ARHGAP4: variants seen among roughly 807,000 people sequenced by gnomAD.
ARHGAP4 encodes Rho GTPase activating protein 4.
In ARHGAP4, 25 loss-of-function variants were observed where a neutral mutation model predicts 67.6. The ratio of observed to expected loss-of-function variants is 0.37; its 90% CI spans 0.27 to 0.52. ARHGAP4 has a LOEUF of 0.52. ARHGAP4 is among the 20% of genes least tolerant of loss of function. The pLI is 0.92. For synonymous variants in ARHGAP4, 448 were observed against 373.7 expected (o/e 1.20, Z -2.29); for missense variants, 804 against 854.6 (o/e 0.94, Z 0.74).
rs1557103568 is a variant in ARHGAP4, at chrX:153,912,821, G to A, written c.1440-19C>T. 2 of 1,176,245 alleles carry A rather than the reference G, an allele frequency of 1.7e-6. No homozygotes were observed. The highest frequency in any genetic ancestry group is 1.8e-5 in the South Asian group (1 of 54,323). ...CTGGGTCCTGCAGTGAATGGGAGCTGGCTCTGAGGGGGCCAGGTGTGGAGA... is the reference window on the plus strand; with the variant it reads ...CTGGGTCCTGCAGTGAATGGGAGCTAGCTCTGAGGGGGCCAGGTGTGGAGA... On this transcript the variant is annotated intron_variant, in intron 11 of 21. Coordinates refer to ENST00000350060, the MANE Select transcript of ARHGAP4 (RefSeq NM_001666.5).
intron 17 of ARHGAP4, 31 bp from the exon 18 acceptor site, chrX:153,910,116 G>C: frequency 1.7e-6 from 2 of 1,210,546 alleles, no homozygotes; most frequent in Non-Finnish European, 1.1e-6. Context: ...AGGCAGATGA[G>C]GGGGGCTCTT....
At position 153,911,008 on chromosome X, in the gene ARHGAP4, G is replaced by A; in HGVS notation, c.1604-9C>T. 1 of 1,168,329 alleles carries A rather than the reference G, an allele frequency of 8.6e-7. No individual in the cohort carries two copies. The highest frequency in any genetic ancestry group is 1.1e-6 in the Non-Finnish European group (1 of 873,405). ...GCCTTCATGCTGCAGGCCTGTGGGA[G>A]GACAAGGAGCTGGTGGGCACTGAGC... On this transcript the variant is annotated splice_polypyrimidine_tract_variant and intron_variant, in intron 13 of 21. Coordinates refer to ENST00000350060, the MANE Select transcript of ARHGAP4 (RefSeq NM_001666.5).
intron 12 of ARHGAP4, among the ~76,000 whole-genome samples, chrX:153,912,250 G>A (rs1557103441): frequency 9.1e-6 from 1 of 110,171 alleles, no homozygotes. Context: ...TCGAACACCT[G>A]GGCTGAAGGG....
chrX:153,918,749 C>A, intron 7 of ARHGAP4, 83 bp downstream of exon 7: 1 of 1,017,678 alleles, frequency 9.8e-7, no homozygotes, highest in Admixed American at 2.5e-5. Flanking sequence ...GATTCCTGAG[C>A]AAAGTGTGGG....
chrX:153,921,864 A>C, intron 1 of ARHGAP4, 55 bp from the exon 2 acceptor site: 1 of 1,126,806 alleles, frequency 8.9e-7, no homozygotes, highest in Non-Finnish European at 1.2e-6. Context: ...TGGGTCAGCC[A>C]GGCCAGCGTG....
chrX:153,910,157 C>T lies in ARHGAP4; in HGVS notation c.2156+14G>A. ...GTGGACCCCCCAGTCCCCTCGGCAG[C>T]ACCAAGGGTGTACCCCAGGCAGCTG... On this transcript the variant is annotated intron_variant, in intron 17 of 21. Coordinates refer to ENST00000350060, the MANE Select transcript of ARHGAP4 (RefSeq NM_001666.5). 1 of 1,210,762 alleles carries T rather than the reference C, an allele frequency of 8.3e-7. No homozygotes were observed. Among genetic ancestry groups the T allele is most frequent in the Non-Finnish European group, 1.1e-6 (1 of 894,856 alleles).
In ARHGAP4 at chrX:153,921,431, C is replaced by G. The variant is rs782383197; in HGVS notation, c.369G>C (p.Val123=). ...GGCGCTGGGCCAGGGGCCCGGCCAG[C>G]ACCTCACTCAGGGCCGCGCTCTCCC... ...QSRESAALSE[V]LAGPLAQRLS... The change falls in exon 3 of 22, where the codon GTG becomes GTC. Residue 123 remains valine, a synonymous_variant. Coordinates refer to ENST00000350060, the MANE Select transcript of ARHGAP4 (RefSeq NM_001666.5). 1 of 1,209,872 alleles carries G rather than the reference C, an allele frequency of 8.3e-7. No individual in the cohort carries two copies. Among genetic ancestry groups the G allele is most frequent in the Non-Finnish European group, 1.1e-6 (1 of 894,951 alleles).
rs782152888 is a variant in ARHGAP4, at chrX:153,921,200, CG to C, written c.436-42del. The C allele has an allele frequency of 2.0e-4, 235 of 1,182,088 alleles. 1 individual carries two copies. Among genetic ancestry groups the C allele is most frequent in the Admixed American group, 3.0e-4 (13 of 43,266 alleles). ...AGGGTGAGCACGGCACTGCCCAGAGCGGCCCCGCCAGGCACTGGAAGCTCTG... is the reference window on the plus strand; with the variant it reads ...AGGGTGAGCACGGCACTGCCCAGAGCGCCCCGCCAGGCACTGGAAGCTCTG... On this transcript the variant is annotated intron_variant, in intron 3 of 21. Transcript: ENST00000350060.
intron 7 of ARHGAP4, among the ~76,000 whole-genome samples, chrX:153,915,197 AGAC>A (rs1249779853): frequency 5.9e-4 from 49 of 83,382 alleles, no homozygotes; most frequent in South Asian, 4.4e-3. Context: ...AACTCTGTAG[AGAC>A]GGACAGTGGA....
At chrX:153,908,470 G>T (rs1439807991) in intron 21 of ARHGAP4, among the ~76,000 whole-genome samples, 1 of 112,116 alleles carries the variant, frequency 8.9e-6, no homozygotes, top group Non-Finnish European at 1.9e-5. Context: ...GGGCTTCCAC[G>T]TTCAGCCCGA....
intron 7 of ARHGAP4, among the ~76,000 whole-genome samples, chrX:153,915,318 C>T (rs1193461022): frequency 6.2e-5 from 7 of 112,210 alleles, no homozygotes; most frequent in Non-Finnish European, 1.3e-4. Flanking sequence ...GATGGCTGCA[C>T]AGCACCGTGA....
intron 13 of ARHGAP4, 26 bp from the exon 14 acceptor site, chrX:153,911,025 G>A: frequency 8.6e-7 from 1 of 1,165,816 alleles, no homozygotes; most frequent in Non-Finnish European, 1.1e-6. Flanking sequence ...GAGCTGGTGG[G>A]CACTGAGCAT....
At chrX:153,915,102 A>T (rs945993852) in intron 7 of ARHGAP4, among the ~76,000 whole-genome samples, 6 of 111,685 alleles carry the variant, frequency 5.4e-5, no homozygotes, top group African/African-American at 2.0e-4. Context: ...CCTTGAGGAC[A>T]TGGGACTCAG....
intron 7 of ARHGAP4, among the ~76,000 whole-genome samples, chrX:153,914,528 T>C (rs2065042122): frequency 9.0e-6 from 1 of 111,399 alleles, no homozygotes; most frequent in Non-Finnish European, 1.9e-5. Flanking sequence ...AAACCCTGTC[T>C]CCGCTAAAAA....
chrX:153,913,976 T>C, intron 7 of ARHGAP4, 97 bp from the exon 8 acceptor site: 1 of 786,864 alleles, frequency 1.3e-6, no homozygotes, highest in Admixed American at 2.7e-5. Context: ...TTTTGTGGCC[T>C]GGCGGCCGGG....
intron 7 of ARHGAP4, chrX:153,914,305 G>C (rs1603285745): frequency 1.2e-5 from 2 of 160,106 alleles, no homozygotes; most frequent in East Asian, 3.3e-4. Flanking sequence ...AAAATGTTCT[G>C]GAATTACATG....
chrX:153,917,724 C>A (rs1377667384), intron 7 of ARHGAP4, among the ~76,000 whole-genome samples: 3 of 112,241 alleles, frequency 2.7e-5, no homozygotes, highest in African/African-American at 9.7e-5. Flanking sequence ...GCACTCCAGC[C>A]GAGGGGACAG....
At chrX:153,913,359 G>A (rs371219323) in intron 9 of ARHGAP4, 50 bp downstream of exon 9, 15 of 1,205,263 alleles carry the variant, frequency 1.2e-5, no homozygotes, top group Non-Finnish European at 1.7e-5. Flanking sequence ...CCCTCCCTCT[G>A]CCCCAGCAAT....
At position 153,911,170 on chromosome X, in the gene ARHGAP4, G is replaced by A; in HGVS notation, c.1562C>T (p.Pro521Leu). The A allele has an allele frequency of 8.5e-7, 1 of 1,169,740 alleles. No homozygotes were observed. The highest frequency in any genetic ancestry group is 1.1e-6 in the Non-Finnish European group (1 of 873,518). ...KFIQSSGQPVPLVVESCIRFI... is the reference protein window; with the variant it reads ...KFIQSSGQPVLLVVESCIRFI... Reference sequence around the variant, plus strand: ...GCGAATGCAGCTCTCCACCACCAGGGGCACAGGCTGGCCTGAGCTCTGGGG... The same window carrying A: ...GCGAATGCAGCTCTCCACCACCAGGAGCACAGGCTGGCCTGAGCTCTGGGG... The change falls in exon 13 of 22, where the codon CCC (proline) becomes CTC (leucine). Residue 521 changes from proline (P) to leucine (L), a missense_variant. Transcript: ENST00000350060.
Sources: allele counts gnomAD v4.1 joint callset (sites outside exome capture counted in the v4.1 genomes callset), GRCh38; gene constraint gnomAD v4.1.1; transcripts MANE v1.5; gene names NCBI Gene and HGNC (gene_info 2026-07-23, HGNC 2026-07-21).